The following RIMBP2 variants were observed in gnomAD, a reference collection of about 807,000 sequenced individuals.
The protein encoded by RIMBP2 is RIMS binding protein 2, also known as RIMS-binding protein 2.
In RIMBP2, 48 loss-of-function variants were observed where a neutral mutation model predicts 118.6. That is an observed-to-expected ratio of 0.40 (90% confidence interval 0.32 to 0.51). The LOEUF (loss-of-function observed/expected upper bound fraction) is 0.51. RIMBP2 is among the 20% of genes least tolerant of loss of function. The pLI is 0.41. For missense variants in RIMBP2, 1,551 were observed against 1,768.3 expected (o/e 0.88, Z 2.20); for synonymous variants, 762 against 742.9 (o/e 1.03, Z -0.42).
chr12:130,573,921 A>G (rs2140098368), intron 2 of RIMBP2, among the ~76,000 whole-genome samples: 1 of 152,226 alleles, frequency 6.6e-6, no homozygotes. Context: ...ACATCCCTGC[A>G]GGCACACATG....
intron 1 of RIMBP2, among the ~76,000 whole-genome samples, chr12:130,646,125 G>A (rs148369716): frequency 5.0e-5 from 1 of 20,026 alleles, no homozygotes; most frequent in Non-Finnish European, 1.0e-4. Context: ...CTCACCACCT[G>A]CCTCTCCACC....
chr12:130,500,706 G>A (rs1032296735), intron 4 of RIMBP2, among the ~76,000 whole-genome samples: 5 of 152,202 alleles, frequency 3.3e-5, no homozygotes, highest in South Asian at 2.1e-4. Context: ...AACTACCCCC[G>A]TTAACACAGG....
chr12:130,709,419 G>T (rs982971434), intron 1 of RIMBP2, among the ~76,000 whole-genome samples: 2 of 152,232 alleles, frequency 1.3e-5, no homozygotes, highest in Non-Finnish European at 2.9e-5. Flanking sequence ...TGGGCGTGAC[G>T]CCCGACAGCA....
chr12:130,706,537 T>C (rs1215136840), intron 1 of RIMBP2, among the ~76,000 whole-genome samples: 1 of 152,246 alleles, frequency 6.6e-6, no homozygotes, highest in African/African-American at 2.4e-5. Flanking sequence ...GCACAGATGC[T>C]GTGGGGCACA....
intron 7 of RIMBP2, among the ~76,000 whole-genome samples, 199 bp from the exon 8 acceptor site, chr12:130,451,539 C>A (rs2079013041): frequency 6.6e-6 from 1 of 152,268 alleles, no homozygotes; most frequent in Admixed American, 6.5e-5. Context: ...GCCCGTCCAG[C>A]TGGCAGAGCC....
chr12:130,631,827 C>G (rs1210334443), intron 1 of RIMBP2, among the ~76,000 whole-genome samples: 3 of 152,132 alleles, frequency 2.0e-5, no homozygotes, highest in African/African-American at 7.2e-5. Flanking sequence ...TACCTTTATA[C>G]ACTTAATTTT....
At chr12:130,501,521 T>A (rs957111746) in intron 4 of RIMBP2, among the ~76,000 whole-genome samples, 1 of 152,228 alleles carries the variant, frequency 6.6e-6, no homozygotes, top group African/African-American at 2.4e-5. Context: ...CAGTGCCATG[T>A]CAGTTTACCA....
intron 1 of RIMBP2, among the ~76,000 whole-genome samples, chr12:130,705,134 T>C (rs2136814603): frequency 6.6e-6 from 1 of 152,330 alleles, no homozygotes; most frequent in Admixed American, 6.5e-5. Flanking sequence ...CACATTGCTC[T>C]GGTTCCGCCT....
intron 4 of RIMBP2, among the ~76,000 whole-genome samples, chr12:130,496,739 C>A (rs2049205169): frequency 6.6e-6 from 1 of 152,174 alleles, no homozygotes; most frequent in South Asian, 2.1e-4. Context: ...ACCTTTCTCT[C>A]ACCTGCAGGC....
In RIMBP2 at chr12:130,581,384, T is replaced by C. The variant is rs1285739749; in HGVS notation, c.-217+46938A>G. ...AGATCACTGCTGTCTTAAGAGTTGATTTTACATAAACTCCAAAAGTTCCAT... is the reference window on the plus strand; with the variant it reads ...AGATCACTGCTGTCTTAAGAGTTGACTTTACATAAACTCCAAAAGTTCCAT... On this transcript the variant is annotated intron_variant, in intron 2 of 22. Coordinates refer to ENST00000690449, the MANE Select transcript of RIMBP2 (RefSeq NM_001393629.1). This position sits in a 1 kb window ranked among gnomAD's most constrained non-coding sequence, Gnocchi z 4.4. Among the ~76,000 whole-genome samples the C allele has an allele frequency of 1.3e-5, 2 of 152,170 alleles. No homozygotes were observed. Among genetic ancestry groups the C allele is most frequent in the Non-Finnish European group, 2.9e-5 (2 of 68,018 alleles).
intron 1 of RIMBP2, among the ~76,000 whole-genome samples, chr12:130,701,586 G>A (rs568084744): frequency 4.9e-4 from 75 of 152,134 alleles, no homozygotes; most frequent in Non-Finnish European, 9.0e-4. Flanking sequence ...TGCTGGGCAC[G>A]TTGTAGGGGA....
chr12:130,399,093 G>GTATC (rs769483651), intron 22 of RIMBP2: 9 of 1,324,416 alleles, frequency 6.8e-6, no homozygotes, highest in Non-Finnish European at 8.9e-6. Context: ...ATCTTTATCG[G>GTATC]TATCTTCAGT....
chr12:130,571,293 A>T (rs1034070658), intron 2 of RIMBP2, among the ~76,000 whole-genome samples: 3 of 152,266 alleles, frequency 2.0e-5, no homozygotes, highest in African/African-American at 7.2e-5. Flanking sequence ...CGCAAGGGGA[A>T]CCACCCTGGC....
rs2058257919 is a variant in RIMBP2 at position 130,578,713 on chromosome 12, C to T, written c.-217+49609G>A. Among the ~76,000 whole-genome samples, 1 of 152,214 alleles carries T rather than the reference C, an allele frequency of 6.6e-6. No individual in the cohort carries two copies. The highest frequency in any genetic ancestry group is 1.5e-5 in the Non-Finnish European group (1 of 68,046). Reference sequence around the variant, plus strand: ...CTCGCTACCCAACGACCGAGTCCCTCACCCTGCCCCGTCTCCACACTTGGC... The same window carrying T: ...CTCGCTACCCAACGACCGAGTCCCTTACCCTGCCCCGTCTCCACACTTGGC... On this transcript the variant is annotated intron_variant, in intron 2 of 22. Coordinates refer to ENST00000690449, the MANE Select transcript of RIMBP2 (RefSeq NM_001393629.1). The surrounding 1 kb of genome is among the most constrained non-coding windows in gnomAD (Gnocchi z 4.1).
intron 1 of RIMBP2, among the ~76,000 whole-genome samples, chr12:130,680,013 T>C (rs2064700167): frequency 6.6e-6 from 1 of 152,062 alleles, no homozygotes; most frequent in African/African-American, 2.4e-5. Context: ...ATGCAGGCAG[T>C]GTGTTCACCC....
At chr12:130,437,426 G>A (rs1272781525) in intron 12 of RIMBP2, 135 bp from the exon 13 acceptor site, 6 of 715,994 alleles carry the variant, frequency 8.4e-6, no homozygotes, top group East Asian at 2.7e-5. Flanking sequence ...CCAACCACCC[G>A]CCAGGTATGG....
rs554981398 is a variant in RIMBP2 at position 130,534,538 on chromosome 12, C to T, written c.-216-16621G>A. Among the ~76,000 whole-genome samples, 8 of 152,356 alleles carry T rather than the reference C, an allele frequency of 5.3e-5. No individual in the cohort carries two copies. In the East Asian group the frequency reaches 1.5e-3, roughly 29 times the overall value. On this transcript the variant is annotated intron_variant, in intron 2 of 22. Coordinates refer to ENST00000690449, the MANE Select transcript of RIMBP2 (RefSeq NM_001393629.1). ...ATGTAGCAAAACTGCACTTGTACCCCTTAAATATATGCAAATGTAGCGGGA... is the reference window on the plus strand; with the variant it reads ...ATGTAGCAAAACTGCACTTGTACCCTTTAAATATATGCAAATGTAGCGGGA...
intron 2 of RIMBP2, among the ~76,000 whole-genome samples, chr12:130,609,157 A>G (rs2060357601): frequency 6.6e-6 from 1 of 152,152 alleles, no homozygotes; most frequent in Non-Finnish European, 1.5e-5. Context: ...TGTCACTGGT[A>G]CCGACCCAAA....
At chr12:130,550,823 T>G (rs1227836734) in intron 2 of RIMBP2, among the ~76,000 whole-genome samples, 1 of 152,210 alleles carries the variant, frequency 6.6e-6, no homozygotes, top group Non-Finnish European at 1.5e-5. Flanking sequence ...TATGGTCTCC[T>G]TGGGAAAACA....
Sources: allele counts gnomAD v4.1 joint callset (sites outside exome capture counted in the v4.1 genomes callset), GRCh38; gene constraint gnomAD v4.1.1; non-coding constraint Gnocchi (gnomAD v3.1); transcripts MANE v1.5; gene names NCBI Gene and HGNC (gene_info 2026-07-23, HGNC 2026-07-21).